Variants in TASOR observed in about 807,000 individuals in gnomAD.
The protein encoded by TASOR is transcription activation suppressor.
A neutral mutation model predicts 178.6 loss-of-function variants in TASOR; 53 were observed. The observed-to-expected ratio is 0.30, with a 90% CI of 0.24 to 0.37. The LOEUF (loss-of-function observed/expected upper bound fraction) is 0.37, where lower values mean the gene tolerates loss of function less well. Among genes scored for constraint, TASOR ranks in the 10% least tolerant of loss-of-function variants. TASOR has a pLI of 1.00. For synonymous variants in TASOR, 713 were observed against 696.2 expected (o/e 1.02, Z -0.38); for missense variants, 1,815 against 1,971.4 (o/e 0.92, Z 1.50).
chr3:56,648,100 A>C (rs2077273364), intron 13 of TASOR, among the ~76,000 whole-genome samples: 1 of 152,156 alleles, frequency 6.6e-6, no homozygotes, highest in Admixed American at 6.5e-5. Flanking sequence ...CAAGCTACTC[A>C]AGAGGCTGAG....
intron 11 of TASOR, among the ~76,000 whole-genome samples, chr3:56,654,641 TC>T (rs2077430648): frequency 6.6e-6 from 1 of 152,066 alleles, no homozygotes; most frequent in Admixed American, 6.6e-5. Flanking sequence ...CAAGCCAACC[TC>T]CCTAATGCAG....
chr3:56,678,641 T>C (rs1416435867), intron 1 of TASOR, among the ~76,000 whole-genome samples: 1 of 152,218 alleles, frequency 6.6e-6, no homozygotes, highest in Non-Finnish European at 1.5e-5. Flanking sequence ...TATGTATACA[T>C]GTATCACAAA....
At position 56,660,770 on chromosome 3, in the gene TASOR, G is replaced by A; in HGVS notation, c.1329C>T (p.Asn443=). The A allele has an allele frequency of 3.7e-6, 6 of 1,613,680 alleles. No homozygotes were observed. The highest frequency in any genetic ancestry group is 5.1e-6 in the Non-Finnish European group (6 of 1,179,960). The stretch of plus-strand genomic sequence containing the variant: ...CTAGTTTTTGCAGTAAACTCTCCAT[G>A]TTACTTCCAATTCTTGTCTTTTCCA... ...EVVEKTRIGS[N]MESLLQKLDR... Residue 443 remains asparagine (N), a synonymous_variant, in exon 11 of 24, where the codon AAC becomes AAT. Transcript: ENST00000683822.
intron 20 of TASOR, 107 bp downstream of exon 20, chr3:56,627,475 A>T (rs945876745): frequency 3.3e-6 from 4 of 1,221,918 alleles, no homozygotes; most frequent in Non-Finnish European, 4.7e-6. Context: ...GCTCAAGAAA[A>T]GACTGAAATG....
intron 18 of TASOR, among the ~76,000 whole-genome samples, chr3:56,632,545 G>A (rs1262939396): frequency 2.0e-5 from 3 of 151,992 alleles, no homozygotes; most frequent in Non-Finnish European, 2.9e-5. Context: ...GTGCATAAAT[G>A]ACACTATAAA....
intron 2 of TASOR, among the ~76,000 whole-genome samples, chr3:56,673,164 A>G (rs1227201554): frequency 2.0e-5 from 3 of 152,250 alleles, no homozygotes; most frequent in African/African-American, 7.2e-5. Flanking sequence ...TAAGATTTTC[A>G]GTTAAAAAGT....
intron 3 of TASOR, among the ~76,000 whole-genome samples, chr3:56,671,006 A>G (rs185447078): frequency 1.3e-5 from 2 of 151,438 alleles, no homozygotes; most frequent in Admixed American, 1.3e-4. Flanking sequence ...TATAGAAGAT[A>G]ATCTCACATA....
At chr3:56,657,165 T>C (rs1380323711) in intron 11 of TASOR, among the ~76,000 whole-genome samples, 1 of 150,444 alleles carries the variant, frequency 6.6e-6, no homozygotes, top group African/African-American at 2.5e-5. Flanking sequence ...CCATCTCTAC[T>C]AAGAATACAA....
Position 56,624,859 on chromosome 3 carries a change from G to A in TASOR, c.4287C>T (p.Asn1429=), listed in dbSNP as rs765432735. Residue 1429 remains asparagine, a synonymous_variant, in exon 22 of 24, where the codon AAC becomes AAT. Coordinates refer to ENST00000683822, the MANE Select transcript of TASOR (RefSeq NM_001365635.2). Reference sequence around the variant, plus strand: ...AAAAGACTATGTGTCGTTGCTGTATGTTCTGAGCCTGAAGTCTGATAAGGC... The same window carrying A: ...AAAAGACTATGTGTCGTTGCTGTATATTCTGAGCCTGAAGTCTGATAAGGC... ...LDCLIRLQAQ[N]IQQRHIVFLT... is the part of the protein sequence containing the mutation. 14 of 1,614,156 alleles carry A rather than the reference G, an allele frequency of 8.7e-6. No individual in the cohort carries two copies. Among genetic ancestry groups the A allele is most frequent in the Non-Finnish European group, 1.2e-5 (14 of 1,180,024 alleles).
At chr3:56,648,766 T>C in intron 13 of TASOR, 56 bp downstream of exon 13, 1 of 1,298,986 alleles carries the variant, frequency 7.7e-7, no homozygotes, top group Non-Finnish European at 1.1e-6. Flanking sequence ...CTGGAAAATT[T>C]CAATGAAATG....
chr3:56,630,564 CTGGGTGCGA>C (rs1286339958), intron 18 of TASOR, among the ~76,000 whole-genome samples: 1 of 152,194 alleles, frequency 6.6e-6, no homozygotes, highest in Non-Finnish European at 1.5e-5. Context: ...AATGTAACGG[CTGGGTGCGA>C]TGGCTCACGC....
At chr3:56,660,686 T>C in intron 11 of TASOR, 45 bp downstream of exon 11, 1 of 1,439,194 alleles carries the variant, frequency 6.9e-7, no homozygotes, top group Non-Finnish European at 9.7e-7. Flanking sequence ...TGAATATGCA[T>C]ATTTGTAACA....
At chr3:56,646,410 T>C (rs2077239117) in intron 14 of TASOR, 112 bp downstream of exon 14, 11 of 821,838 alleles carry the variant, frequency 1.3e-5, no homozygotes, top group Non-Finnish European at 2.1e-5. Flanking sequence ...TTTACAAAAA[T>C]AGTGGACAGG....
At position 56,660,736 on chromosome 3, in the gene TASOR, T is replaced by C; in HGVS notation, c.1363A>G (p.Lys455Glu). 1.9e-6 allele frequency: 3 copies of C among 1,611,238 alleles called. No individual in the cohort carries two copies. In the East Asian group the frequency reaches 6.7e-5, roughly 36 times the overall value. The change falls in exon 11 of 24, where the codon AAA (lysine) becomes GAA (glutamate). Residue 455 changes from lysine (K) to glutamate (E), a missense_variant. By Grantham distance (56) the Lys-to-Glu change is moderately conservative (BLOSUM62 1). Transcript: ENST00000683822. ...ESLLQKLDRE[K>E]LVLVKPLGDR... is the part of the protein sequence containing the mutation. Reference sequence around the variant, plus strand: ...TTAAAAAACTTTTCACTCACAAGTTTTTCTCTGTCTAGTTTTTGCAGTAAA... The same window carrying C: ...TTAAAAAACTTTTCACTCACAAGTTCTTCTCTGTCTAGTTTTTGCAGTAAA...
intron 19 of TASOR, among the ~76,000 whole-genome samples, chr3:56,628,127 G>A (rs1027407593): frequency 6.6e-6 from 1 of 152,140 alleles, no homozygotes; most frequent in African/African-American, 2.4e-5. Flanking sequence ...AGACTAGATG[G>A]GATACCTCAA....
intron 11 of TASOR, among the ~76,000 whole-genome samples, chr3:56,659,285 C>T (rs889210011): frequency 1.3e-5 from 2 of 152,118 alleles, no homozygotes; most frequent in African/African-American, 2.4e-5. Context: ...TTAAATGGCG[C>T]ACCTATGCAA....
At chr3:56,680,611 T>C (rs1229222862) in intron 1 of TASOR, among the ~76,000 whole-genome samples, 2 of 152,184 alleles carry the variant, frequency 1.3e-5, no homozygotes, top group African/African-American at 4.8e-5. Context: ...TTAAATTCTA[T>C]CAGCAACCAC....
At chr3:56,651,855 G>T (rs1330346854) in intron 11 of TASOR, among the ~76,000 whole-genome samples, 1 of 152,116 alleles carries the variant, frequency 6.6e-6, no homozygotes, top group Non-Finnish European at 1.5e-5. Context: ...AAAATAATTG[G>T]AAGAATTAAA....
rs2077271113 is a variant in TASOR, at chr3:56,647,995, T to G, written c.1514-772A>C. Among the ~76,000 whole-genome samples the G allele has an allele frequency of 1.3e-5, 2 of 151,868 alleles. 1 individual carries two copies. The highest frequency in any genetic ancestry group is 4.2e-4 in the South Asian group (2 of 4,814). ...AGTTGGATCGCTTCAGGCCAGGAGT[T>G]CAAGAACAACCTAGACAATATAGTG... On this transcript the variant is annotated intron_variant, in intron 13 of 23. Transcript: ENST00000683822.
Sources: gnomAD v4.1 joint callset for allele counts (sites outside exome capture counted in the v4.1 genomes callset) on GRCh38, gnomAD v4.1.1 for gene constraint, MANE v1.5 for transcripts, NCBI Gene and HGNC (gene_info 2026-07-23, HGNC 2026-07-21) for gene names.